FAM114A1: variants seen among roughly 807,000 people sequenced by gnomAD.
FAM114A1 encodes protein NOXP20.
Under a neutral mutation model 64.3 loss-of-function variants are expected in FAM114A1, and 62 were observed. The ratio of observed to expected loss-of-function variants is 0.96; its 90% CI spans 0.79 to 1.19. The LOEUF (loss-of-function observed/expected upper bound fraction) is 1.19. FAM114A1 is among the 50% of genes most tolerant of loss of function. FAM114A1 has a pLI of 0.00. For synonymous variants in FAM114A1, 254 were observed against 251.1 expected, an observed-to-expected ratio of 1.01 and a Z score of -0.11; for missense variants, 645 against 676.3, an observed-to-expected ratio of 0.95 and a Z score of 0.51.
At position 38,908,948 on chromosome 4, in the gene FAM114A1, G is replaced by T. The variant is rs113438512; in HGVS notation, c.792+222G>T. ...TTCCTTAAGGATTCTATCAGAGACCGCAGAGAGATATGGATATAGATCTAT... is the reference window on the plus strand; with the variant it reads ...TTCCTTAAGGATTCTATCAGAGACCTCAGAGAGATATGGATATAGATCTAT... On this transcript the variant is annotated intron_variant, in intron 7 of 14. Transcript: ENST00000358869. Among the ~76,000 whole-genome samples the T allele has an allele frequency of 5.9e-5, 9 of 152,236 alleles. No individual in the cohort carries two copies. In the East Asian group the frequency reaches 1.5e-3, roughly 26 times the overall value.
intron 3 of FAM114A1, among the ~76,000 whole-genome samples, chr4:38,888,615 G>A (rs1716044241): frequency 6.6e-6 from 1 of 152,190 alleles, no homozygotes; most frequent in South Asian, 2.1e-4. Flanking sequence ...TTCCAGTTGA[G>A]TTTTGAATAT....
In FAM114A1 at chr4:38,905,789, A is replaced by G; in HGVS notation, c.585A>G (p.Glu195=). 5 of 1,614,030 alleles carry G rather than the reference A, an allele frequency of 3.1e-6. No homozygotes were observed. The highest frequency in any genetic ancestry group is 3.4e-6 in the Non-Finnish European group (4 of 1,179,988). Residue 195 remains glutamate (E), a synonymous_variant, in exon 6 of 15, where the codon GAA becomes GAG. Coordinates refer to ENST00000358869, the MANE Select transcript of FAM114A1 (RefSeq NM_138389.4). ...TDAATDQGPA[E]SPPTSPSSAS... ...CAGCCACAGATCAGGGCCCTGCAGAAAGCCCACCCACTTCCCCTTCATCAG... is the reference window on the plus strand; with the variant it reads ...CAGCCACAGATCAGGGCCCTGCAGAGAGCCCACCCACTTCCCCTTCATCAG...
At chr4:38,913,135 T>A (rs1028314976) in intron 7 of FAM114A1, among the ~76,000 whole-genome samples, 1 of 151,550 alleles carries the variant, frequency 6.6e-6, no homozygotes, top group Admixed American at 6.6e-5. Context: ...GTGGCCAGTG[T>A]CTTTACAGTG....
chr4:38,945,236 T>C lies in FAM114A1; in HGVS notation c.*1679T>C, dbSNP rs192759984. On this transcript the variant is annotated 3_prime_UTR_variant, in exon 15 of 15. Transcript: ENST00000358869. ...AGATCACACTCGCTGGTGGCAAATATCATCATCGTTGCTAAAGGACAGAAA... is the reference window on the plus strand; with the variant it reads ...AGATCACACTCGCTGGTGGCAAATACCATCATCGTTGCTAAAGGACAGAAA... The C allele has an allele frequency of 6.6e-6, 1 of 152,306 alleles. No individual in the cohort carries two copies. The highest frequency in any genetic ancestry group is 6.5e-5 in the Admixed American group (1 of 15,306). 9.4% of individuals were successfully genotyped at this position (152,306 alleles called of 1,614,324 possible).
intron 9 of FAM114A1, among the ~76,000 whole-genome samples, chr4:38,926,736 G>A (rs935094835): frequency 1.3e-5 from 2 of 152,238 alleles, no homozygotes; most frequent in African/African-American, 2.4e-5. Context: ...GATTACAGGC[G>A]TGAGCCACTG....
chr4:38,897,945 C>CAA (rs753488843), intron 4 of FAM114A1, among the ~76,000 whole-genome samples: 1 of 120,318 alleles, frequency 8.3e-6, no homozygotes. Context: ...GACTCTGTTT[C>CAA]AAAAAAAAAA....
intron 14 of FAM114A1, 55 bp downstream of exon 14, chr4:38,941,076 CT>C (rs11398065): frequency 0.089 from 106,656 of 1,198,296 alleles, no homozygotes; most frequent in South Asian, 0.11. Flanking sequence ...GTTAGAACTA[CT>C]TTTTTTTTTT....
At chr4:38,888,898 A>G (rs1241265404) in intron 3 of FAM114A1, among the ~76,000 whole-genome samples, 1 of 152,250 alleles carries the variant, frequency 6.6e-6, no homozygotes. Flanking sequence ...GACCATATTC[A>G]TGATGAGATA....
At chr4:38,909,553 G>A (rs904829791) in intron 7 of FAM114A1, among the ~76,000 whole-genome samples, 17 of 124,762 alleles carry the variant, frequency 1.4e-4, no homozygotes, top group African/African-American at 9.2e-4. Flanking sequence ...TATTAGTCTT[G>A]TTTTCCAAAT....
intron 4 of FAM114A1, among the ~76,000 whole-genome samples, chr4:38,895,518 G>T (rs1263734684): frequency 6.6e-6 from 1 of 152,178 alleles, no homozygotes; most frequent in Non-Finnish European, 1.5e-5. Context: ...ATCATTGCTG[G>T]ATAGAGTAAC....
At chr4:38,910,085 A>C (rs1579355738) in intron 7 of FAM114A1, among the ~76,000 whole-genome samples, 1 of 152,194 alleles carries the variant, frequency 6.6e-6, no homozygotes, top group East Asian at 1.9e-4. Flanking sequence ...ATACAAAAAA[A>C]AAAATTAGCC....
At position 38,944,558 on chromosome 4, in the gene FAM114A1, C is replaced by A. The variant is rs1460767805; in HGVS notation, c.*1001C>A. The A allele has an allele frequency of 6.6e-6, 1 of 152,308 alleles. No individual in the cohort carries two copies. Among genetic ancestry groups the A allele is most frequent in the Admixed American group, 6.5e-5 (1 of 15,278 alleles). The allele number at this position is 152,308 out of a possible 1,614,324, so 9.4% of individuals were successfully genotyped here. On this transcript the variant is annotated 3_prime_UTR_variant, in exon 15 of 15. Coordinates refer to ENST00000358869, the MANE Select transcript of FAM114A1 (RefSeq NM_138389.4). ...GTGGCACTGGTTAGGAACCAGGCCA[C>A]ACAGCAGGGGGTGAGCGGTGGGTGA...
In FAM114A1 at chr4:38,878,356, A is replaced by T. The variant is rs1172797973; in HGVS notation, c.278A>T (p.Glu93Val). ...NGDVTEDTLA[E>V]CIDSVSLEAE... is the part of the protein sequence containing the mutation. The stretch of plus-strand genomic sequence containing the variant: ...GACGTGACTGAGGATACACTTGCTG[A>T]ATGTATTGATTCCGTCAGCCTTGAG... Residue 93 changes from glutamate (E) to valine (V), a missense_variant, in exon 3 of 15, where the codon GAA becomes GTA. Coordinates refer to ENST00000358869, the MANE Select transcript of FAM114A1 (RefSeq NM_138389.4). 1 of 1,613,874 alleles carries T rather than the reference A, an allele frequency of 6.2e-7. No homozygotes were observed. The highest frequency in any genetic ancestry group is 1.7e-5 in the Admixed American group (1 of 59,984).
chr4:38,936,926 T>G (rs547183205), intron 13 of FAM114A1, among the ~76,000 whole-genome samples: 4 of 152,340 alleles, frequency 2.6e-5, no homozygotes, highest in African/African-American at 9.6e-5. Context: ...TTGGCTCAAG[T>G]GTTTCTATTA....
chr4:38,890,007 A>C (rs1346125169), intron 3 of FAM114A1, among the ~76,000 whole-genome samples: 1 of 151,688 alleles, frequency 6.6e-6, no homozygotes, highest in Admixed American at 6.6e-5. Context: ...AAGAGTGGGC[A>C]CTCGCTGTAA....
intron 3 of FAM114A1, among the ~76,000 whole-genome samples, chr4:38,889,551 A>G (rs1716124355): frequency 6.6e-6 from 1 of 152,172 alleles, no homozygotes; most frequent in South Asian, 2.1e-4. Context: ...TTTGATCTTC[A>G]CGAACCGGTG....
chr4:38,885,567 G>A (rs759967780), intron 3 of FAM114A1, among the ~76,000 whole-genome samples: 3 of 152,102 alleles, frequency 2.0e-5, no homozygotes, highest in Non-Finnish European at 4.4e-5. Context: ...GTGTGCCACC[G>A]AAGCCAGCTC....
chr4:38,933,842 T>C (rs76878975), intron 12 of FAM114A1, among the ~76,000 whole-genome samples: 2,065 of 152,330 alleles, frequency 0.014, 38 homozygotes, highest in African/African-American at 0.047. Flanking sequence ...ATTTGCTAGC[T>C]AACTAGTCTT....
intron 8 of FAM114A1, among the ~76,000 whole-genome samples, chr4:38,918,054 TA>T (rs1046918076): frequency 3.4e-3 from 474 of 140,816 alleles, no homozygotes; most frequent in Admixed American, 4.9e-3. Flanking sequence ...CCGTCTCTAC[TA>T]AAAAAAAAAA....
Sources: gnomAD v4.1 joint callset for allele counts (sites outside exome capture counted in the v4.1 genomes callset) on GRCh38, gnomAD v4.1.1 for gene constraint, MANE v1.5 for transcripts, NCBI Gene and HGNC (gene_info 2026-07-23, HGNC 2026-07-21) for gene names.